LEF1: variants seen among roughly 807,000 people sequenced by gnomAD.
The protein encoded by LEF1 is lymphoid enhancer-binding factor 1.
LEF1 carries 14 observed loss-of-function variants against 51.2 expected under a neutral mutation model. The observed-to-expected ratio is 0.27, with a 90% confidence interval of 0.18 to 0.43. The LOEUF is 0.43. Among genes scored for constraint, LEF1 ranks in the 20% least tolerant of loss-of-function variants. LEF1 has a pLI of 1.00. For synonymous variants in LEF1, 185 were observed against 183.2 expected (o/e 1.01, Z -0.08); for missense variants, 386 against 512.0 (o/e 0.75, Z 2.37).
chr4:108,081,982 T>G (rs755149543), intron 5 of LEF1, among the ~76,000 whole-genome samples: 1 of 152,218 alleles, frequency 6.6e-6, no homozygotes, highest in Non-Finnish European at 1.5e-5. Flanking sequence ...AAATGTTTAT[T>G]GAATATAACA....
At chr4:108,166,345 C>T in intron 1 of LEF1, 2 of 1,516,608 alleles carry the variant, frequency 1.3e-6, no homozygotes, top group South Asian at 1.2e-5. Flanking sequence ...AATGTCCCCG[C>T]CCTCAAAACC....
intron 11 of LEF1, 94 bp from the exon 12 acceptor site, chr4:108,048,845 T>G: frequency 3.9e-6 from 3 of 769,460 alleles, no homozygotes; most frequent in Non-Finnish European, 5.7e-6. Context: ...TCTTACAACC[T>G]CTGCATTTAA....
chr4:108,094,325 G>T (rs1716169863), intron 3 of LEF1, among the ~76,000 whole-genome samples: 1 of 152,212 alleles, frequency 6.6e-6, no homozygotes, highest in Admixed American at 6.5e-5. Flanking sequence ...AGGAAGCTTG[G>T]TTGGCTGCCA....
intron 3 of LEF1, among the ~76,000 whole-genome samples, chr4:108,119,485 A>C (rs1742034596): frequency 6.6e-6 from 1 of 152,280 alleles, no homozygotes; most frequent in South Asian, 2.1e-4. Flanking sequence ...GTCATGTAAG[A>C]GTATTATGGT....
chr4:108,155,293 C>T (rs1427771824), intron 3 of LEF1, among the ~76,000 whole-genome samples: 1 of 152,194 alleles, frequency 6.6e-6, no homozygotes. Flanking sequence ...TCTGTTCCCT[C>T]ATACGTCTCA....
At chr4:108,058,289 G>A (rs1211906280) in intron 11 of LEF1, among the ~76,000 whole-genome samples, 6 of 152,110 alleles carry the variant, frequency 3.9e-5, no homozygotes, top group Non-Finnish European at 7.4e-5. Flanking sequence ...TTTAAAGGTG[G>A]TAGGCTTTTT....
intron 3 of LEF1, among the ~76,000 whole-genome samples, chr4:108,141,247 A>G (rs978373972): frequency 6.6e-6 from 1 of 152,218 alleles, no homozygotes. Context: ...AATATTCACA[A>G]GAGTTTTGAG....
At chr4:108,132,910 A>G (rs1742994073) in intron 3 of LEF1, among the ~76,000 whole-genome samples, 1 of 151,972 alleles carries the variant, frequency 6.6e-6, no homozygotes, top group Non-Finnish European at 1.5e-5. Context: ...GGTTCAAGCA[A>G]TCTGCCTGCC....
intron 3 of LEF1, among the ~76,000 whole-genome samples, chr4:108,157,534 C>T (rs180838247): frequency 2.0e-5 from 3 of 152,154 alleles, no homozygotes; most frequent in Non-Finnish European, 4.4e-5. Context: ...AAACTGTCAT[C>T]AAGTTCCACA....
At chr4:108,050,931 C>T (rs145307110) in intron 11 of LEF1, among the ~76,000 whole-genome samples, 367 of 152,264 alleles carry the variant, frequency 2.4e-3, no homozygotes, top group African/African-American at 8.3e-3. Context: ...CCTGCACTTC[C>T]GGCTCCACCA....
At chr4:108,058,107 C>T (rs1478441693) in intron 11 of LEF1, among the ~76,000 whole-genome samples, 4 of 151,968 alleles carry the variant, frequency 2.6e-5, no homozygotes, top group Non-Finnish European at 5.9e-5. Context: ...AACTCCTGAC[C>T]TCATGATCTG....
At chr4:108,083,760 A>C (rs1398995292) in intron 4 of LEF1, among the ~76,000 whole-genome samples, 1 of 152,212 alleles carries the variant, frequency 6.6e-6, no homozygotes, top group Non-Finnish European at 1.5e-5. Context: ...AAAATGGTAG[A>C]CAATTGTTTT....
chr4:108,057,269 G>T (rs1737367934), intron 11 of LEF1, among the ~76,000 whole-genome samples: 1 of 152,086 alleles, frequency 6.6e-6, no homozygotes, highest in Non-Finnish European at 1.5e-5. Context: ...AGACTTAAGA[G>T]TTCTTCAGCT....
intron 4 of LEF1, among the ~76,000 whole-genome samples, chr4:108,085,605 A>G (rs1739589463): frequency 6.6e-6 from 1 of 152,208 alleles, no homozygotes. Flanking sequence ...TTCAGAAGTG[A>G]TTCAACAGAA....
intron 3 of LEF1, among the ~76,000 whole-genome samples, chr4:108,120,009 G>A (rs1006189938): frequency 7.3e-5 from 11 of 151,300 alleles, no homozygotes; most frequent in African/African-American, 2.4e-4. Flanking sequence ...GTGTGTGTGT[G>A]TGTGTGTGTG....
intron 4 of LEF1, among the ~76,000 whole-genome samples, chr4:108,087,524 CG>C (rs1201588816): frequency 6.6e-6 from 1 of 151,738 alleles, no homozygotes; most frequent in Admixed American, 6.6e-5. Flanking sequence ...AAACTATAAG[CG>C]TAACTGAGAG....
chr4:108,136,374 T>C (rs1743264952), intron 3 of LEF1, among the ~76,000 whole-genome samples: 1 of 152,134 alleles, frequency 6.6e-6, no homozygotes, highest in South Asian at 2.1e-4. Context: ...TTTGACCAAG[T>C]ATTCTAAAAT....
At chr4:108,088,359 T>C (rs1237100834) in intron 4 of LEF1, among the ~76,000 whole-genome samples, 2 of 152,222 alleles carry the variant, frequency 1.3e-5, no homozygotes, top group African/African-American at 4.8e-5. Context: ...AAAGACCCTG[T>C]TGAAGTCCAA....
chr4:108,158,435 A>C (rs960828602), intron 3 of LEF1, among the ~76,000 whole-genome samples: 18 of 151,672 alleles, frequency 1.2e-4, no homozygotes, highest in African/African-American at 2.9e-4. Context: ...AGAGAGAGAG[A>C]GCGCGCAACC....
Sources: allele counts gnomAD v4.1 joint callset (sites outside exome capture counted in the v4.1 genomes callset), GRCh38; gene constraint gnomAD v4.1.1; transcripts MANE v1.5; gene names NCBI Gene and HGNC (gene_info 2026-07-23, HGNC 2026-07-21).